Variants in TRPC4AP observed in about 807,000 individuals in gnomAD.
TRPC4AP encodes transient receptor potential cation channel subfamily C member 4 associated protein.
TRPC4AP carries 45 observed loss-of-function variants against 99.0 expected under a neutral mutation model. The observed-to-expected ratio is 0.45, with a 90% CI of 0.36 to 0.58. The LOEUF is 0.58. Among genes scored for constraint, TRPC4AP ranks in the 20% least tolerant of loss-of-function variants. The pLI, the probability that TRPC4AP is intolerant of heterozygous loss-of-function variation, is 0.00. For missense variants in TRPC4AP, 879 were observed against 985.3 expected (o/e 0.89, Z 1.44); for synonymous variants, 408 against 385.8 (o/e 1.06, Z -0.67).
chr20:35,023,452 A>T (rs2082942302), intron 8 of TRPC4AP, among the ~76,000 whole-genome samples: 1 of 152,214 alleles, frequency 6.6e-6, no homozygotes, highest in Non-Finnish European at 1.5e-5. Context: ...GTTACTTTGT[A>T]TTCTTTTTCA....
intron 5 of TRPC4AP, among the ~76,000 whole-genome samples, chr20:35,052,372 G>T (rs1003671308): frequency 6.6e-6 from 1 of 152,092 alleles, no homozygotes; most frequent in African/African-American, 2.4e-5. Context: ...GAGATTATAG[G>T]TGTGAGCCAC....
intron 8 of TRPC4AP, among the ~76,000 whole-genome samples, chr20:35,030,920 G>T (rs183073621): frequency 3.3e-5 from 5 of 152,302 alleles, no homozygotes; most frequent in Non-Finnish European, 7.4e-5. Flanking sequence ...CTTTCAACCT[G>T]AAGAACTTCC....
At chr20:35,070,264 C>T (rs1256544323) in intron 2 of TRPC4AP, among the ~76,000 whole-genome samples, 1 of 152,134 alleles carries the variant, frequency 6.6e-6, no homozygotes, top group Non-Finnish European at 1.5e-5. Context: ...AGTTCTGTAG[C>T]AATAACCAAG....
intron 5 of TRPC4AP, 109 bp from the exon 6 acceptor site, chr20:35,050,103 A>G (rs2083658871): frequency 8.3e-7 from 1 of 1,205,574 alleles, no homozygotes. Flanking sequence ...GAAAACTGGC[A>G]TGAGTCAACA....
intron 6 of TRPC4AP, among the ~76,000 whole-genome samples, chr20:35,046,659 A>G (rs1163819141): frequency 6.6e-6 from 1 of 152,116 alleles, no homozygotes; most frequent in African/African-American, 2.4e-5. Context: ...AATGGAGGAC[A>G]GGAATTTGCT....
intron 8 of TRPC4AP, among the ~76,000 whole-genome samples, chr20:35,023,915 A>G (rs2082951670): frequency 6.6e-6 from 1 of 152,246 alleles, no homozygotes; most frequent in Admixed American, 6.5e-5. Context: ...TGGCTTGCGC[A>G]GGCCTGACAA....
chr20:35,030,514 C>T (rs1005637560), intron 8 of TRPC4AP: 2 of 152,144 alleles, frequency 1.3e-5, no homozygotes, highest in African/African-American at 4.8e-5. Flanking sequence ...AAAAGCCCAA[C>T]AATACTTGTT....
rs2083510367 is a variant in TRPC4AP at position 35,044,407 on chromosome 20, AAAAAAAAAG to A, written c.865+89_865+97del. ...GATCCCATCTCAAAAAAGGAAAAAA[AAAAAAAAAG>A]AAAAGAAAAGAAAAAGAAAAAAAAC... On this transcript the variant is annotated intron_variant, in intron 7 of 18. Transcript: ENST00000252015. 13 of 1,275,220 alleles carry A rather than the reference AAAAAAAAAG, an allele frequency of 1.0e-5. 1 individual carries two copies. The highest frequency in any genetic ancestry group is 2.6e-4 in the Middle Eastern group (1 of 3,910). 79.0% of individuals were successfully genotyped at this position (1,275,220 alleles called of 1,614,324 possible). A position where few individuals can be genotyped will look rare whatever the true frequency, so the allele number is the denominator to read the frequency against.
At chr20:35,037,085 G>A (rs1422004471) in intron 7 of TRPC4AP, among the ~76,000 whole-genome samples, 5 of 152,076 alleles carry the variant, frequency 3.3e-5, no homozygotes, top group Admixed American at 6.5e-5. Context: ...GGTGGCTCAC[G>A]CCTGTAATCC....
intron 2 of TRPC4AP, among the ~76,000 whole-genome samples, chr20:35,074,012 G>A (rs1336399703): frequency 6.6e-6 from 1 of 152,212 alleles, no homozygotes; most frequent in African/African-American, 2.4e-5. Flanking sequence ...GAGGGTGTAT[G>A]TGTCCAGGAA....
intron 1 of TRPC4AP, among the ~76,000 whole-genome samples, chr20:35,090,520 C>T (rs1188649000): frequency 6.6e-6 from 1 of 151,890 alleles, no homozygotes; most frequent in East Asian, 1.9e-4. Context: ...ATTACAGGTG[C>T]TTACCACCAC....
intron 16 of TRPC4AP, 135 bp from the exon 17 acceptor site, chr20:35,004,705 T>C (rs985330627): frequency 1.4e-6 from 1 of 695,298 alleles, no homozygotes; most frequent in Admixed American, 2.3e-5. Context: ...CAACGAAAGC[T>C]GACTGTGGCA....
At chr20:35,045,316 A>G (rs1047576180) in intron 6 of TRPC4AP, among the ~76,000 whole-genome samples, 3 of 152,198 alleles carry the variant, frequency 2.0e-5, no homozygotes, top group Non-Finnish European at 4.4e-5. Context: ...AAGTTTATCT[A>G]CACTGATACA....
At chr20:35,030,466 T>C (rs1465995662) in intron 8 of TRPC4AP, 2 of 152,196 alleles carry the variant, frequency 1.3e-5, no homozygotes, top group Non-Finnish European at 2.9e-5. Context: ...CTTCATTCTT[T>C]TTGTGCTGTA....
At chr20:35,040,363 T>C (rs1045901270) in intron 7 of TRPC4AP, among the ~76,000 whole-genome samples, 3 of 152,126 alleles carry the variant, frequency 2.0e-5, no homozygotes, top group Non-Finnish European at 4.4e-5. Context: ...TGGGAGGCGA[T>C]GGAGGAAAAC....
chr20:35,024,854 A>AAAAAAAAT lies in TRPC4AP; in HGVS notation c.1052-3499_1052-3498insATTTTTTT, dbSNP rs1479270980. 3.4e-5 allele frequency among the ~76,000 whole-genome samples: 3 copies of AAAAAAAAT among 89,480 alleles called. 1 individual carries two copies. The highest frequency in any genetic ancestry group is 2.3e-5 in the Non-Finnish European group (1 of 43,688). The allele number at this position is 89,480 out of a possible 152,430, so 58.7% of individuals were successfully genotyped here. ...AAAAAAAAAAAAAAAAAAAAAAAAA[A>AAAAAAAAT]ATTCTGTTTATTCATTAATCAGGTG... On this transcript the variant is annotated intron_variant, in intron 8 of 18. Coordinates refer to ENST00000252015, the MANE Select transcript of TRPC4AP (RefSeq NM_015638.3).
intron 2 of TRPC4AP, among the ~76,000 whole-genome samples, chr20:35,075,397 G>C (rs906619216): frequency 6.6e-6 from 1 of 152,130 alleles, no homozygotes; most frequent in South Asian, 2.1e-4. Flanking sequence ...AGTTGGTATC[G>C]GTTGTTCCTT....
intron 2 of TRPC4AP, among the ~76,000 whole-genome samples, chr20:35,073,888 C>T (rs2084395119): frequency 6.6e-6 from 1 of 152,194 alleles, no homozygotes; most frequent in South Asian, 2.1e-4. Context: ...GGCTGTGAAT[C>T]CGTCTGGTCC....
At position 35,003,550 on chromosome 20, in the gene TRPC4AP, G is replaced by A. The variant is rs200035230; in HGVS notation, c.2116C>T (p.Pro706Ser). The change falls in exon 18 of 19, where the codon CCC becomes TCC. Residue 706 changes from proline to serine, a missense_variant. Transcript: ENST00000252015. ...CGCTGCAGCAGCCGCAGGTACAGGG[G>A]CAGCCGCTCTTTCCGTCGGGCCAGC... Reference protein sequence around the residue: ...LMLARRKERLPLYLRLLQRME... With the variant: ...LMLARRKERLSLYLRLLQRME... 3.2e-4 allele frequency: 512 copies of A among 1,613,280 alleles called. No homozygotes were observed. The highest frequency in any genetic ancestry group is 4.0e-4 in the Non-Finnish European group (474 of 1,179,906).
Sources: gnomAD v4.1 joint callset for allele counts (sites outside exome capture counted in the v4.1 genomes callset) on GRCh38, gnomAD v4.1.1 for gene constraint, MANE v1.5 for transcripts, NCBI Gene and HGNC (gene_info 2026-07-23, HGNC 2026-07-21) for gene names.